The following MSANTD5 variants were observed in gnomAD, a reference collection of about 807,000 sequenced individuals.
MSANTD5 encodes uncharacterized protein MSANTD5.
chr5:178,697,382 A>G (rs1581733787), intron 1 of MSANTD5, among the ~76,000 whole-genome samples: 1 of 152,094 alleles, frequency 6.6e-6, no homozygotes, highest in Non-Finnish European at 1.5e-5. Context: ...TGAACCCGGG[A>G]GGCGGAGGTT....
chr5:178,698,833 C>A (rs1172733351), upstream of MSANTD5, among the ~76,000 whole-genome samples: 2 of 146,898 alleles, frequency 1.4e-5, no homozygotes, highest in Non-Finnish European at 3.0e-5. Flanking sequence ...TCAAGCAATC[C>A]TCCTGCCTCG....
At chr5:178,705,049 TTTTC>T in the MSANTD5 span, among the ~76,000 whole-genome samples, 1 of 151,020 alleles carries the variant, frequency 6.6e-6, no homozygotes, top group Non-Finnish European at 1.5e-5. Context: ...GGTTTTCTTC[TTTTC>T]TTTTTTTTTT....
intron 1 of MSANTD5, 138 bp downstream of exon 1, chr5:178,697,448 C>G (rs977136061): frequency 3.3e-5 from 5 of 151,996 alleles, no homozygotes; most frequent in Non-Finnish European, 5.9e-5. Context: ...AGCGAGACTC[C>G]GTCTCAAAAA....
downstream of MSANTD5, among the ~76,000 whole-genome samples, chr5:178,693,147 T>TA (rs1382421071): frequency 6.6e-6 from 1 of 151,716 alleles, no homozygotes; most frequent in Admixed American, 6.6e-5. Flanking sequence ...CCGTCTCTAC[T>TA]AAAAAATACA....
At chr5:178,694,752 G>C (rs979329288) in exon 4 of MSANTD5, 5 of 152,190 alleles carry the variant, frequency 3.3e-5, no homozygotes, top group African/African-American at 1.2e-4. Context: ...GCCTGGGGCT[G>C]CCGGAGGCAA....
intron 2 of MSANTD5, 57 bp from the exon 3 acceptor site, chr5:178,695,655 G>A (rs576817216): frequency 2.6e-5 from 4 of 152,248 alleles, no homozygotes; most frequent in African/African-American, 9.6e-5. Flanking sequence ...ACATGTGCAG[G>A]ATCCTGCCTC....
intron 1 of MSANTD5, among the ~76,000 whole-genome samples, chr5:178,697,192 C>T (rs542249126): frequency 2.6e-4 from 39 of 152,300 alleles, no homozygotes; most frequent in Non-Finnish European, 5.3e-4. Flanking sequence ...AGGTGGCTCA[C>T]GCCTGTAATC....
At chr5:178,697,758 C>T (rs1765435199), upstream of MSANTD5, 1 of 152,212 alleles carries the variant, frequency 6.6e-6, no homozygotes, top group Non-Finnish European at 1.5e-5. Context: ...TTCTGGAGGT[C>T]TCTGAAGCCA....
chr5:178,699,148 A>G (rs185480991), upstream of MSANTD5, among the ~76,000 whole-genome samples: 238 of 152,108 alleles, frequency 1.6e-3, 1 homozygote, highest in African/African-American at 5.4e-3. Flanking sequence ...CCAAATGTTA[A>G]TGAACACCGT....
At chr5:178,697,253 G>A (rs938531543) in intron 1 of MSANTD5, among the ~76,000 whole-genome samples, 7 of 149,868 alleles carry the variant, frequency 4.7e-5, no homozygotes, top group Non-Finnish European at 7.5e-5. Context: ...AGGAGATCGA[G>A]ACCATCCTGG....
At chr5:178,694,812 C>G (rs959645233) in exon 4 of MSANTD5, 1 of 152,206 alleles carries the variant, frequency 6.6e-6, no homozygotes, top group Non-Finnish European at 1.5e-5. Context: ...GGGCTCCCAT[C>G]CGGGTACCTG....
chr5:178,704,772 G>A, the MSANTD5 span, among the ~76,000 whole-genome samples: 1 of 152,200 alleles, frequency 6.6e-6, no homozygotes, highest in East Asian at 1.9e-4. Flanking sequence ...AGTGACAAAA[G>A]AATATAGTAT....
chr5:178,705,053 CT>C, the MSANTD5 span, among the ~76,000 whole-genome samples: 2,114 of 148,068 alleles, frequency 0.014, 28 homozygotes, highest in African/African-American at 0.047. Flanking sequence ...TTCTTCTTTT[CT>C]TTTTTTTTTT....
chr5:178,701,644 C>A (rs896890983), upstream of MSANTD5, among the ~76,000 whole-genome samples: 21 of 148,470 alleles, frequency 1.4e-4, no homozygotes, highest in African/African-American at 4.9e-4. Flanking sequence ...TGCACTCCAG[C>A]CTGGGTGACA....
the MSANTD5 span, among the ~76,000 whole-genome samples, chr5:178,703,139 A>C: frequency 6.6e-6 from 1 of 152,186 alleles, no homozygotes; most frequent in African/African-American, 2.4e-5. Flanking sequence ...AGAACAGGAG[A>C]GGCCAGGCCA....
chr5:178,696,647 A>G (rs1036686619), intron 1 of MSANTD5, among the ~76,000 whole-genome samples: 1 of 152,154 alleles, frequency 6.6e-6, no homozygotes, highest in African/African-American at 2.4e-5. Flanking sequence ...GGCTCCTGCA[A>G]GTACCCAGCT....
At chr5:178,692,914 G>T (rs757342261), downstream of MSANTD5, among the ~76,000 whole-genome samples, 2 of 151,880 alleles carry the variant, frequency 1.3e-5, no homozygotes, top group African/African-American at 2.4e-5. Flanking sequence ...CAGCTGGGGG[G>T]ACCCGGACAT....
upstream of MSANTD5, among the ~76,000 whole-genome samples, chr5:178,701,600 A>G (rs1765483917): frequency 6.6e-6 from 1 of 150,678 alleles, no homozygotes; most frequent in Non-Finnish European, 1.5e-5. Context: ...TGAACCTGGG[A>G]GGCGGAGGTT....
At position 178,696,870 on chromosome 5, in the gene MSANTD5, A is replaced by G. The variant is rs976129884; in HGVS notation, c.7-689T>C. On this transcript the variant is annotated intron_variant, in intron 1 of 3. Coordinates refer to ENST00000648368, the Ensembl canonical transcript of MSANTD5. The stretch of plus-strand genomic sequence containing the variant: ...GTCCCCTGTCCAAGCAGATCAGAGC[A>G]TGAATGAGAGGAAACTGCCTGGGCT... 3.2e-4 allele frequency among the ~76,000 whole-genome samples: 49 copies of G among 152,036 alleles called. 2 individuals are homozygous for G. The highest frequency in any genetic ancestry group is 1.5e-5 in the Non-Finnish European group (1 of 68,002).
Sources: gnomAD v4.1 joint callset for allele counts (sites outside exome capture counted in the v4.1 genomes callset) on GRCh38, gnomAD v4.1.1 for gene constraint, MANE v1.5 for transcripts, NCBI Gene and HGNC (gene_info 2026-07-23, HGNC 2026-07-21) for gene names.